Variants in ATG2A observed in about 807,000 individuals in gnomAD.
The protein encoded by ATG2A is autophagy related 2A.
A neutral mutation model predicts 214.2 loss-of-function variants in ATG2A; 103 were observed. That is an observed-to-expected ratio of 0.48 (90% confidence interval 0.41 to 0.57). The LOEUF is 0.57. ATG2A is among the 20% of genes least tolerant of loss of function. The pLI, the probability that ATG2A is intolerant of heterozygous loss-of-function variation, is 0.00. For synonymous variants in ATG2A, 1,160 were observed against 1,142.1 expected, an observed-to-expected ratio of 1.02 and a Z score of -0.32; for missense variants, 2,312 against 2,613.2, an observed-to-expected ratio of 0.88 and a Z score of 2.51.
At chr11:64,912,058 C>G in intron 8 of ATG2A, 27 bp downstream of exon 8, 1 of 1,612,544 alleles carries the variant, frequency 6.2e-7, no homozygotes, top group Non-Finnish European at 8.5e-7. Flanking sequence ...AGCTGCCCCT[C>G]CAACCACGGT....
chr11:64,909,621 G>C, intron 14 of ATG2A, 60 bp downstream of exon 14: 3 of 1,589,528 alleles, frequency 1.9e-6, no homozygotes, highest in South Asian at 1.1e-5. Flanking sequence ...ATAGCCCCAA[G>C]CCCATCTCTC....
rs542089387 is a variant in ATG2A, at chr11:64,898,023, G to T, written c.4859-49C>A. On this transcript the variant is annotated intron_variant, in intron 34 of 40. Coordinates refer to ENST00000377264, the MANE Select transcript of ATG2A (RefSeq NM_015104.3). The surrounding 1 kb of genome is among the most constrained non-coding windows in gnomAD (Gnocchi z 4.5). Reference sequence around the variant, plus strand: ...TGGGGATGGGGCCAGGAATGACTGGGAACCTGTGCTGTCCTGGGAGGCAGA... The same window carrying T: ...TGGGGATGGGGCCAGGAATGACTGGTAACCTGTGCTGTCCTGGGAGGCAGA... The T allele has an allele frequency of 1.9e-5, 31 of 1,599,936 alleles. 1 individual carries two copies. The highest frequency in any genetic ancestry group is 1.7e-4 in the Middle Eastern group (1 of 6,000).
rs770497554 is a variant in ATG2A, at chr11:64,895,043, C to T, written c.5747G>A (p.Arg1916His). The stretch of plus-strand genomic sequence containing the variant: ...GTGGGCGTCGGGGACAATCTGGTTG[C>T]GCATGCCCCCGAGCAGGCTGGACGT... ...EATSSLLGGM[R>H]NQIVPDAHKD... The change falls in exon 41 of 41, where the codon CGC becomes CAC. Residue 1916 changes from arginine (R) to histidine (H), a missense_variant. Physicochemically the swap from Arg to His is conservative, Grantham distance 29 (BLOSUM62 0). Transcript: ENST00000377264. The surrounding 1 kb of genome is among the most constrained non-coding windows in gnomAD (Gnocchi z 5.0). 7.9e-5 allele frequency: 127 copies of T among 1,613,258 alleles called. No individual in the cohort carries two copies. Among genetic ancestry groups the T allele is most frequent in the Non-Finnish European group, 1.0e-4 (119 of 1,179,716 alleles).
Position 64,914,365 on chromosome 11 carries a change from G to A in ATG2A, c.307C>T (p.Leu103Phe). The A allele has an allele frequency of 6.2e-7, 1 of 1,608,688 alleles. No individual in the cohort carries two copies. The highest frequency in any genetic ancestry group is 8.5e-7 in the Non-Finnish European group (1 of 1,178,210). Reference protein sequence around the residue: ...HCTVRVSGLQLTLQPRRGPAP... With the variant: ...HCTVRVSGLQFTLQPRRGPAP... ...GGACCCCGGCGGGGCTGCAAGGTGA[G>A]CTGGAGGCCGGACACGCGCACTGTG... The change falls in exon 2 of 41, where the codon CTC becomes TTC. Residue 103 changes from leucine (L) to phenylalanine (F), a missense_variant. Leu to Phe is a conservative substitution (Grantham distance 22). Coordinates refer to ENST00000377264, the MANE Select transcript of ATG2A (RefSeq NM_015104.3).
In ATG2A at chr11:64,902,618, G is replaced by T; in HGVS notation, c.3675C>A (p.Asp1225Glu). ...NNVVHVHSCA[D>E]SCALLVNLLQ... Reference sequence around the variant, plus strand: ...GCAGGTTGACCAGCAGGGCACAGGAGTCGGCACAGCTGTGCACGTGTACCA... The same window carrying T: ...GCAGGTTGACCAGCAGGGCACAGGATTCGGCACAGCTGTGCACGTGTACCA... Residue 1225 changes from aspartate to glutamate, a missense_variant, in exon 27 of 41, where the codon GAC becomes GAA. By Grantham distance (45) the Asp-to-Glu change is conservative. Transcript: ENST00000377264. The T allele has an allele frequency of 6.2e-7, 1 of 1,610,968 alleles. No homozygotes were observed.
At chr11:64,909,552 C>A in intron 14 of ATG2A, 129 bp downstream of exon 14, 1 of 1,496,786 alleles carries the variant, frequency 6.7e-7, no homozygotes. Context: ...GTGCTGGGAC[C>A]CCAAGAGCTG....
chr11:64,913,159 A>G lies in ATG2A; in HGVS notation c.727-23T>C, dbSNP rs751648879. ...TTCCTGGGAGACGGGAGGATACAAG[A>G]GGGAAAGGTTGAGAAAATGGAGTCA... On this transcript the variant is annotated intron_variant, in intron 5 of 40. Coordinates refer to ENST00000377264, the MANE Select transcript of ATG2A (RefSeq NM_015104.3). The surrounding 1 kb of genome is among the most constrained non-coding windows in gnomAD (Gnocchi z 4.3). 3.8e-6 allele frequency: 6 copies of G among 1,593,858 alleles called. No individual in the cohort carries two copies. The highest frequency in any genetic ancestry group is 5.1e-6 in the Non-Finnish European group (6 of 1,168,510).
At chr11:64,907,187 G>A (rs1462385954) in intron 19 of ATG2A, 68 bp downstream of exon 19, 11 of 1,434,320 alleles carry the variant, frequency 7.7e-6, no homozygotes, top group African/African-American at 5.7e-5. Flanking sequence ...AGCTGCTCGC[G>A]CTGGTCTTGC....
In ATG2A at chr11:64,897,977, A is replaced by G. The variant is rs750634075; in HGVS notation, c.4859-3T>C. The G allele has an allele frequency of 5.7e-5, 89 of 1,558,734 alleles. No homozygotes were observed. The highest frequency in any genetic ancestry group is 7.4e-5 in the Non-Finnish European group (85 of 1,155,694). On this transcript the variant is annotated splice_region_variant and splice_polypyrimidine_tract_variant and intron_variant, in intron 34 of 40. Transcript: ENST00000377264. Reference sequence around the variant, plus strand: ...CTGGGCTCGAGTCTCGGGGCGAGCTAGGGGAGGGGAGGTCACAGACTGGGG... The same window carrying G: ...CTGGGCTCGAGTCTCGGGGCGAGCTGGGGGAGGGGAGGTCACAGACTGGGG...
Position 64,914,382 on chromosome 11 carries a change from C to A in ATG2A, c.290G>T (p.Arg97Leu), listed in dbSNP as rs199556207. 1 of 1,611,030 alleles carries A rather than the reference C, an allele frequency of 6.2e-7. No individual in the cohort carries two copies. Among genetic ancestry groups the A allele is most frequent in the East Asian group, 2.2e-5 (1 of 44,834 alleles). The change falls in exon 2 of 41, where the codon CGC becomes CTC. Residue 97 changes from arginine (R) to leucine (L), a missense_variant. By Grantham distance (102) the Arg-to-Leu change is moderately radical (BLOSUM62 -2). Coordinates refer to ENST00000377264, the MANE Select transcript of ATG2A (RefSeq NM_015104.3). ...CAAGGTGAGCTGGAGGCCGGACACGCGCACTGTGCAGTGGTCGGTGAGCAG... is the reference window on the plus strand; with the variant it reads ...CAAGGTGAGCTGGAGGCCGGACACGAGCACTGTGCAGTGGTCGGTGAGCAG... ...AALLTDHCTV[R>L]VSGLQLTLQP... is the part of the protein sequence containing the mutation.
chr11:64,899,330 T>C (rs1310597053), intron 31 of ATG2A, among the ~76,000 whole-genome samples: 1 of 152,132 alleles, frequency 6.6e-6, no homozygotes, highest in Admixed American at 6.5e-5. Context: ...TGTTTTGCCT[T>C]CAGGACTTTG....
chr11:64,910,905 G>C lies in ATG2A; in HGVS notation c.1516C>G (p.Arg506Gly). The change falls in exon 11 of 41, where the codon CGG becomes GGG. Residue 506 changes from arginine (R) to glycine (G), a missense_variant. By Grantham distance (125) the Arg-to-Gly change is moderately radical. Coordinates refer to ENST00000377264, the MANE Select transcript of ATG2A (RefSeq NM_015104.3). The part of the protein sequence containing the change: ...QLSWELRTGS[R>G]GRRTTSMEVH... ...TCCATGCTGGTTGTCCGCCGGCCCC[G>C]ACTGCCCGTCCGCAGCTCCCAGGAC... is the stretch of plus-strand genomic sequence containing the variant. 6.2e-7 allele frequency: 1 copy of C among 1,612,304 alleles called. No homozygotes were observed. Among genetic ancestry groups the C allele is most frequent in the Non-Finnish European group, 8.5e-7 (1 of 1,179,696 alleles).
chr11:64,912,287 C>CA, intron 7 of ATG2A, 38 bp from the exon 8 acceptor site: 10 of 1,590,480 alleles, frequency 6.3e-6, no homozygotes, highest in Non-Finnish European at 8.6e-6. Flanking sequence ...CTGGCTGGCC[C>CA]TCCCAGCCAC....
In ATG2A at chr11:64,905,795, C is replaced by CCTGTGTGTGCA; in HGVS notation, c.3317_3318insTGCACACACAG (p.Thr1107AlafsTer90). 6.2e-7 allele frequency: 1 copy of CCTGTGTGTGCA among 1,613,798 alleles called. No individual in the cohort carries two copies. The highest frequency in any genetic ancestry group is 8.5e-7 in the Non-Finnish European group (1 of 1,179,998). On this transcript the variant is annotated frameshift_variant, in exon 23 of 41. Transcript: ENST00000377264. LOFTEE classifies it high-confidence loss of function. ...GTGTGTGCAGGATGGTGATGACCGT[C>CCTGTGTGTGCA]GGGGGCAGGTAGCCCAGCACAGGGT...
In ATG2A at chr11:64,909,697, G is replaced by A. The variant is rs999811423; in HGVS notation, c.2091C>T (p.Thr697=). 6 of 1,612,992 alleles carry A rather than the reference G, an allele frequency of 3.7e-6. No homozygotes were observed. The African/African-American group carries it at 8.0e-5, about 22-fold the overall frequency. Residue 697 remains threonine (T), a synonymous_variant, in exon 14 of 41, where the codon ACC becomes ACT. Transcript: ENST00000377264. ...GGCTCTCACCATGTAGGTCGGAGCA[G>A]GTGAGTTCCAGGTGGGTGGGGACTG... ...GPPVPTHLEL[T]CSDLHGIYED...
Position 64,896,542 on chromosome 11 carries a change from G to T in ATG2A, c.5347C>A (p.Gln1783Lys), listed in dbSNP as rs1944157858. 5.0e-6 allele frequency: 8 copies of T among 1,613,974 alleles called. No homozygotes were observed. The highest frequency in any genetic ancestry group is 6.8e-6 in the Non-Finnish European group (8 of 1,179,944). The change falls in exon 39 of 41, where the codon CAG (glutamine) becomes AAG (lysine). Residue 1783 changes from glutamine to lysine, a missense_variant. Transcript: ENST00000377264. ...RKDGRLMRGL[Q>K]RGAASFGSST... is the part of the protein sequence containing the mutation. Reference sequence around the variant, plus strand: ...GAGCCAAAGGAGGCAGCCCCTCGCTGCAGCCCCCGCATGAGGCGGCCATCC... The same window carrying T: ...GAGCCAAAGGAGGCAGCCCCTCGCTTCAGCCCCCGCATGAGGCGGCCATCC...
In ATG2A at chr11:64,913,106, C is replaced by T. The variant is rs778855255; in HGVS notation, c.757G>A (p.Gly253Ser). The change falls in exon 6 of 41, where the codon GGC becomes AGC. Residue 253 changes from glycine to serine, a missense_variant. Physicochemically the swap from Gly to Ser is moderately conservative, Grantham distance 56. Transcript: ENST00000377264. This position sits in a 1 kb window ranked among gnomAD's most constrained non-coding sequence, Gnocchi z 4.3. The part of the protein sequence containing the change: ...EEPPEPPLQI[G>S]SCSGYMELMV... ...AGCTCCATGTACCCTGAGCAGCTGCCGATCTGCAAGGGGGGCTCTGGAGGC... is the reference window on the plus strand; with the variant it reads ...AGCTCCATGTACCCTGAGCAGCTGCTGATCTGCAAGGGGGGCTCTGGAGGC... 5 of 1,575,908 alleles carry T rather than the reference C, an allele frequency of 3.2e-6. No homozygotes were observed. The highest frequency in any genetic ancestry group is 1.3e-5 in the African/African-American group (1 of 74,078).
chr11:64,906,465 C>T lies in ATG2A; in HGVS notation c.3052G>A (p.Ala1018Thr). The T allele has an allele frequency of 6.2e-7, 1 of 1,613,278 alleles. No individual in the cohort carries two copies. The highest frequency in any genetic ancestry group is 1.7e-4 in the Middle Eastern group (1 of 6,060). The part of the protein sequence containing the change: ...LPSFAPPAQL[A>T]PTIYPSEEGV... ...TCCTCCGATGGGTAGATGGTTGGGGCCAGCTGAGCCGGGGGAGCGAAACTG... is the reference window on the plus strand; with the variant it reads ...TCCTCCGATGGGTAGATGGTTGGGGTCAGCTGAGCCGGGGGAGCGAAACTG... Residue 1018 changes from alanine to threonine, a missense_variant, in exon 21 of 41, where the codon GCC becomes ACC. Coordinates refer to ENST00000377264, the MANE Select transcript of ATG2A (RefSeq NM_015104.3).
rs1236712068 is a variant in ATG2A at position 64,895,937 on chromosome 11, G to A, written c.5428-495C>T. ...CCATGCATCCCTCCCACCTCCCCTG[G>A]AGCCCTGCCCTCTGTCCTGTTGGGG... On this transcript the variant is annotated intron_variant, in intron 39 of 40. Transcript: ENST00000377264. The surrounding 1 kb of genome is among the most constrained non-coding windows in gnomAD (Gnocchi z 5.0). 1.3e-5 allele frequency among the ~76,000 whole-genome samples: 2 copies of A among 152,058 alleles called. No homozygotes were observed. The highest frequency in any genetic ancestry group is 2.9e-5 in the Non-Finnish European group (2 of 67,996).
Sources: allele counts gnomAD v4.1 joint callset (sites outside exome capture counted in the v4.1 genomes callset), GRCh38; gene constraint gnomAD v4.1.1; non-coding constraint Gnocchi (gnomAD v3.1); transcripts MANE v1.5; gene names NCBI Gene and HGNC (gene_info 2026-07-23, HGNC 2026-07-21).